The following KIAA1217 variants were observed in gnomAD, a reference collection of about 807,000 sequenced individuals.
KIAA1217 encodes KIAA1217, also known as sickle tail protein homolog.
KIAA1217 carries 88 observed loss-of-function variants against 163.9 expected under a neutral mutation model. The observed-to-expected ratio is 0.54, with a 90% confidence interval of 0.45 to 0.64. The LOEUF is 0.64. KIAA1217 is among the 30% of genes least tolerant of loss of function. KIAA1217 has a pLI of 0.00. For missense variants in KIAA1217, 2,372 were observed against 2,475.0 expected (o/e 0.96, Z 0.88); for synonymous variants, 903 against 923.1 (o/e 0.98, Z 0.39).
chr10:24,136,524 A>G (rs2063838145), intron 2 of KIAA1217, among the ~76,000 whole-genome samples: 1 of 152,192 alleles, frequency 6.6e-6, no homozygotes, highest in Non-Finnish European at 1.5e-5. Context: ...AGAGAGAGAG[A>G]GAGAGAGATA....
In KIAA1217 at chr10:24,544,039, G is replaced by A. The variant is rs951938822; in HGVS notation, c.4769G>A (p.Arg1590His). 41 of 1,613,936 alleles carry A rather than the reference G, an allele frequency of 2.5e-5. No individual in the cohort carries two copies. The highest frequency in any genetic ancestry group is 1.9e-4 in the African/African-American group (14 of 74,880). Reference protein sequence around the residue: ...KQLAALTQAIRTGTKTGKKTL... With the variant: ...KQLAALTQAIHTGTKTGKKTL... ...CTCGCCGCTCTCACTCAAGCCATTC[G>A]CACCGGAACTAAAACAGGGAAGAAG... Residue 1590 changes from arginine to histidine, a missense_variant, in exon 19 of 21, where the codon CGC (arginine) becomes CAC (histidine). Arg to His is a conservative substitution (Grantham distance 29, BLOSUM62 0). Transcript: ENST00000376454.
chr10:23,826,077 C>T (rs1363649399), intron 1 of KIAA1217, among the ~76,000 whole-genome samples: 7 of 152,114 alleles, frequency 4.6e-5, no homozygotes, highest in Non-Finnish European at 1.0e-4. Flanking sequence ...CAACTTTAAC[C>T]TGAACCCTAA....
chr10:23,785,349 G>A (rs754449153), intron 1 of KIAA1217, among the ~76,000 whole-genome samples: 2 of 152,064 alleles, frequency 1.3e-5, no homozygotes, highest in African/African-American at 4.8e-5. Context: ...TCCCTCACCT[G>A]CAGAATCAGG....
chr10:24,486,735 CCT>C (rs1277638177), intron 6 of KIAA1217, among the ~76,000 whole-genome samples: 2 of 152,198 alleles, frequency 1.3e-5, no homozygotes, highest in Non-Finnish European at 2.9e-5. Flanking sequence ...TCAGTGAAGC[CCT>C]GTCTGCTCAC....
At chr10:23,810,332 A>G (rs1457790100) in intron 1 of KIAA1217, among the ~76,000 whole-genome samples, 1 of 145,702 alleles carries the variant, frequency 6.9e-6, no homozygotes, top group Non-Finnish European at 1.5e-5. Flanking sequence ...ATATATACAC[A>G]CACTATATAT....
chr10:23,711,744 C>T (rs1041589137), intron 1 of KIAA1217, among the ~76,000 whole-genome samples: 2 of 152,152 alleles, frequency 1.3e-5, no homozygotes, highest in South Asian at 2.1e-4. Flanking sequence ...TCATGTCAAG[C>T]TTCAACAGAT....
chr10:23,702,128 A>G (rs1457701901), intron 1 of KIAA1217, among the ~76,000 whole-genome samples: 1 of 152,152 alleles, frequency 6.6e-6, no homozygotes, highest in Non-Finnish European at 1.5e-5. Context: ...AGCAGCAAAA[A>G]TGGGGCCAAC....
At chr10:24,400,262 C>T (rs2056370884) in intron 3 of KIAA1217, among the ~76,000 whole-genome samples, 1 of 152,212 alleles carries the variant, frequency 6.6e-6, no homozygotes, top group Admixed American at 6.5e-5. Context: ...ACTACCTGAC[C>T]TGCATTTTGG....
chr10:24,457,336 T>G (rs1734619681), intron 5 of KIAA1217, among the ~76,000 whole-genome samples: 1 of 134,096 alleles, frequency 7.5e-6, no homozygotes, highest in Non-Finnish European at 1.7e-5. Context: ...TTTTGTTTGT[T>G]TTTTGTTTTG....
intron 1 of KIAA1217, among the ~76,000 whole-genome samples, chr10:23,850,574 A>T (rs1220626666): frequency 6.6e-6 from 1 of 152,154 alleles, no homozygotes; most frequent in Admixed American, 6.6e-5. Context: ...TATCAAACAC[A>T]GTAGCCTTTC....
intron 1 of KIAA1217, among the ~76,000 whole-genome samples, chr10:23,775,566 C>T (rs571749507): frequency 2.0e-5 from 3 of 152,266 alleles, no homozygotes; most frequent in South Asian, 2.1e-4. Context: ...AAGTCACACA[C>T]GTCTGTTGTA....
chr10:23,924,807 G>C (rs368090335), intron 1 of KIAA1217, among the ~76,000 whole-genome samples: 2 of 152,264 alleles, frequency 1.3e-5, no homozygotes, highest in East Asian at 3.9e-4. Flanking sequence ...TTCTGAGTCT[G>C]AACAAGGGAG....
intron 2 of KIAA1217, among the ~76,000 whole-genome samples, chr10:24,265,132 G>A (rs946257900): frequency 6.6e-6 from 1 of 152,178 alleles, no homozygotes; most frequent in African/African-American, 2.4e-5. Context: ...CCAAAGTGAT[G>A]AGTGCTAAGA....
intron 1 of KIAA1217, among the ~76,000 whole-genome samples, chr10:23,836,063 A>G (rs1416174526): frequency 6.6e-6 from 1 of 152,186 alleles, no homozygotes; most frequent in East Asian, 1.9e-4. Context: ...ATGTATTTCT[A>G]TTATTCTTGG....
intron 1 of KIAA1217, among the ~76,000 whole-genome samples, chr10:23,790,864 A>T (rs1241041092): frequency 6.6e-6 from 1 of 151,762 alleles, no homozygotes; most frequent in Non-Finnish European, 1.5e-5. Flanking sequence ...ACCCCCCAAT[A>T]GCTGGGACTA....
In KIAA1217 at chr10:23,731,767, G is replaced by A. The variant is rs569460650; in HGVS notation, c.-321+36533G>A. 7.2e-5 allele frequency among the ~76,000 whole-genome samples: 11 copies of A among 152,022 alleles called. No homozygotes were observed. The South Asian group carries it at 1.5e-3, about 20-fold the overall frequency. ...TTTTTTCTTAAATATTCTTTATCAA[G>A]TCAAGGGAGTACCCCTCTAAGATTT... On this transcript the variant is annotated intron_variant, in intron 1 of 18. Coordinates refer to the KIAA1217 transcript ENST00000376462.
chr10:23,997,886 C>T (rs967484354), intron 1 of KIAA1217, among the ~76,000 whole-genome samples: 3 of 151,908 alleles, frequency 2.0e-5, no homozygotes, highest in Admixed American at 2.0e-4. Flanking sequence ...GGAAGAAGGG[C>T]ACAGCCATGC....
At chr10:24,448,246 T>TG (rs146926886) in intron 5 of KIAA1217, among the ~76,000 whole-genome samples, 23,411 of 151,376 alleles carry the variant, frequency 0.15, 1,996 homozygotes, top group South Asian at 0.31. Context: ...TTTTTTTGCG[T>TG]GGGGGGGGCT....
At chr10:23,989,937 T>A (rs1846146268) in intron 1 of KIAA1217, among the ~76,000 whole-genome samples, 2 of 152,194 alleles carry the variant, frequency 1.3e-5, no homozygotes, top group South Asian at 4.1e-4. Flanking sequence ...TGCTAAGACT[T>A]TAGCAAGGAT....
Sources: allele counts gnomAD v4.1 joint callset (sites outside exome capture counted in the v4.1 genomes callset), GRCh38; gene constraint gnomAD v4.1.1; transcripts MANE v1.5; gene names NCBI Gene and HGNC (gene_info 2026-07-23, HGNC 2026-07-21).